Variants in SLC4A4 observed in about 807,000 individuals in gnomAD.
SLC4A4 encodes the protein solute carrier family 4 member 4, also known as electrogenic sodium bicarbonate cotransporter 1.
SLC4A4 carries 27 observed loss-of-function variants against 111.5 expected under a neutral mutation model. That is an observed-to-expected ratio of 0.24 (90% CI 0.18 to 0.33). The LOEUF (loss-of-function observed/expected upper bound fraction) is 0.33. Among genes scored for constraint, SLC4A4 ranks in the 10% least tolerant of loss-of-function variants. The pLI, the probability that SLC4A4 is intolerant of heterozygous loss-of-function variation, is 1.00. For synonymous variants in SLC4A4, 443 were observed against 463.4 expected (o/e 0.96, Z 0.57); for missense variants, 909 against 1,315.5 (o/e 0.69, Z 4.78).
upstream of SLC4A4, among the ~76,000 whole-genome samples, chr4:71,185,865 T>C (rs1745434141): frequency 6.6e-6 from 1 of 152,130 alleles, no homozygotes; most frequent in African/African-American, 2.4e-5. Flanking sequence ...AAATTATTTC[T>C]CTTGAGCTTT....
chr4:71,299,205 T>C (rs889858392), intron 3 of SLC4A4, among the ~76,000 whole-genome samples: 10 of 152,228 alleles, frequency 6.6e-5, no homozygotes, highest in African/African-American at 2.4e-4. Context: ...TACTGACCAG[T>C]CTTTCTATTG....
At chr4:71,280,981 A>T (rs1723469588) in intron 3 of SLC4A4, among the ~76,000 whole-genome samples, 1 of 152,188 alleles carries the variant, frequency 6.6e-6, no homozygotes, top group African/African-American at 2.4e-5. Context: ...CTGCTACAGG[A>T]AGTGGTCACT....
At chr4:71,450,791 G>A (rs180959523) in intron 10 of SLC4A4, among the ~76,000 whole-genome samples, 15 of 152,314 alleles carry the variant, frequency 9.8e-5, no homozygotes, top group African/African-American at 3.6e-4. Flanking sequence ...TACTACATGG[G>A]AATGTATCAC....
intron 18 of SLC4A4, among the ~76,000 whole-genome samples, chr4:71,545,909 G>T (rs917765808): frequency 6.6e-6 from 1 of 151,954 alleles, no homozygotes; most frequent in Non-Finnish European, 1.5e-5. Flanking sequence ...CACTACTGCC[G>T]CTATCACCAT....
At position 71,440,564 on chromosome 4, in the gene SLC4A4, C is replaced by T. The variant is rs185967338; in HGVS notation, c.808-52C>T. ...CCCTTCTCTGGAACTAATAGTAATT[C>T]CACAGGAACCTTGTGGAACTAAATT... On this transcript the variant is annotated intron_variant, in intron 7 of 25. Coordinates refer to ENST00000264485, the MANE Select transcript of SLC4A4 (RefSeq NM_001098484.3). 61 of 1,606,554 alleles carry T rather than the reference C, an allele frequency of 3.8e-5. 1 individual carries two copies. Among genetic ancestry groups the T allele is most frequent in the Non-Finnish European group, 1.2e-5 (14 of 1,173,328 alleles).
intron 13 of SLC4A4, among the ~76,000 whole-genome samples, chr4:71,469,004 A>C (rs1727633708): frequency 6.6e-6 from 1 of 152,018 alleles, no homozygotes; most frequent in Non-Finnish European, 1.5e-5. Context: ...TGCCCTGTAA[A>C]CTGGAGAATT....
chr4:71,282,163 G>T (rs777174113), intron 3 of SLC4A4, among the ~76,000 whole-genome samples: 9 of 152,232 alleles, frequency 5.9e-5, no homozygotes, highest in Non-Finnish European at 7.4e-5. Flanking sequence ...AGAAAAAGTA[G>T]CCATGGCTTT....
At chr4:71,492,511 TC>T (rs1560557541) in intron 15 of SLC4A4, among the ~76,000 whole-genome samples, 1 of 151,902 alleles carries the variant, frequency 6.6e-6, no homozygotes, top group Non-Finnish European at 1.5e-5. Flanking sequence ...TTAAATCTTT[TC>T]CCCCAGTACC....
chr4:71,145,644 A>G (rs1157087910), intron 2 of SLC4A4, among the ~76,000 whole-genome samples: 5 of 152,160 alleles, frequency 3.3e-5, no homozygotes, highest in African/African-American at 1.2e-4. Flanking sequence ...TGGTGTATTC[A>G]GAGATTCAAC....
chr4:71,070,740 C>T (rs763676393), intron 1 of SLC4A4, among the ~76,000 whole-genome samples: 9 of 152,088 alleles, frequency 5.9e-5, no homozygotes, highest in Non-Finnish European at 8.8e-5. Flanking sequence ...CAAAAGAAAT[C>T]GAGGACATTT....
At chr4:71,481,698 A>G (rs1292840262) in intron 14 of SLC4A4, among the ~76,000 whole-genome samples, 2 of 151,788 alleles carry the variant, frequency 1.3e-5, no homozygotes, top group East Asian at 1.9e-4. Flanking sequence ...TTTGGAATAA[A>G]TAGGCTAAGA....
intron 17 of SLC4A4, among the ~76,000 whole-genome samples, chr4:71,532,457 C>T (rs527537570): frequency 6.6e-6 from 1 of 152,046 alleles, no homozygotes; most frequent in East Asian, 1.9e-4. Context: ...AACTTATTAC[C>T]TTGATCTATA....
intron 18 of SLC4A4, among the ~76,000 whole-genome samples, chr4:71,541,274 G>A (rs575917295): frequency 6.6e-6 from 1 of 152,118 alleles, no homozygotes; most frequent in Non-Finnish European, 1.5e-5. Context: ...TTTTAAAAAA[G>A]ATTCATTCGT....
rs1736813404 is a variant in SLC4A4, at chr4:71,559,934, T to G, written c.2938-159T>G. On this transcript the variant is annotated intron_variant, in intron 22 of 25. Transcript: ENST00000264485. ...TCCCCATGTAGAAAATTATGAGAGT[T>G]CACTCGGTATAAGTCCATACCGTCA... 2.0e-5 allele frequency among the ~76,000 whole-genome samples: 3 copies of G among 151,948 alleles called. No individual in the cohort carries two copies. The South Asian group carries it at 6.2e-4, about 31-fold the overall frequency.
chr4:71,307,724 A>G (rs1031532691), intron 3 of SLC4A4, among the ~76,000 whole-genome samples: 6 of 152,220 alleles, frequency 3.9e-5, no homozygotes, highest in African/African-American at 1.4e-4. Context: ...TCATGAGCAG[A>G]GCTGCAAAAT....
At chr4:71,197,089 C>T (rs577361851) in intron 1 of SLC4A4, among the ~76,000 whole-genome samples, 1 of 151,856 alleles carries the variant, frequency 6.6e-6, no homozygotes, top group African/African-American at 2.4e-5. Flanking sequence ...GTGGTGGGCA[C>T]CTGTAATCCC....
At chr4:71,354,744 T>G (rs1018387963) in intron 5 of SLC4A4, among the ~76,000 whole-genome samples, 2 of 152,174 alleles carry the variant, frequency 1.3e-5, no homozygotes, top group Non-Finnish European at 2.9e-5. Context: ...TGGGGAAAGA[T>G]CTAAACTTAG....
chr4:71,123,742 T>C (rs1004197892), intron 2 of SLC4A4, among the ~76,000 whole-genome samples: 1 of 152,214 alleles, frequency 6.6e-6, no homozygotes, highest in Admixed American at 6.5e-5. Context: ...AGAAGAATGA[T>C]CTAGTGCACC....
chr4:71,155,435 G>A (rs1237094678), intron 2 of SLC4A4, among the ~76,000 whole-genome samples: 2 of 152,068 alleles, frequency 1.3e-5, no homozygotes, highest in Non-Finnish European at 2.9e-5. Context: ...CCACAATTAA[G>A]GGGAAGCTCC....
Sources: gnomAD v4.1 joint callset for allele counts (sites outside exome capture counted in the v4.1 genomes callset) on GRCh38, gnomAD v4.1.1 for gene constraint, MANE v1.5 for transcripts, NCBI Gene and HGNC (gene_info 2026-07-23, HGNC 2026-07-21) for gene names.